SMYD3: variants seen among roughly 807,000 people sequenced by gnomAD.
The protein encoded by SMYD3 is SET and MYND domain containing 3.
A neutral mutation model predicts 57.7 loss-of-function variants in SMYD3; 36 were observed. The ratio of observed to expected loss-of-function variants is 0.62; its 90% CI spans 0.48 to 0.82. The LOEUF (loss-of-function observed/expected upper bound fraction) is 0.82. SMYD3 is among the 40% of genes least tolerant of loss of function. The pLI is 0.00. For missense variants in SMYD3, 515 were observed against 538.8 expected (o/e 0.96, Z 0.44); for synonymous variants, 211 against 195.0 (o/e 1.08, Z -0.68).
At chr1:246,040,992 A>G (rs763874866) in intron 5 of SMYD3, among the ~76,000 whole-genome samples, 6 of 152,252 alleles carry the variant, frequency 3.9e-5, no homozygotes, top group Non-Finnish European at 8.8e-5. Flanking sequence ...AGTCAAGGAC[A>G]GAACACACAT....
At chr1:246,092,505 T>C (rs190439149) in intron 5 of SMYD3, among the ~76,000 whole-genome samples, 7 of 152,252 alleles carry the variant, frequency 4.6e-5, no homozygotes, top group South Asian at 2.1e-4. Flanking sequence ...AGAACATACA[T>C]TGGGGTAAGG....
intron 10 of SMYD3, among the ~76,000 whole-genome samples, chr1:245,786,932 G>A (rs1025103954): frequency 6.6e-6 from 1 of 152,114 alleles, no homozygotes; most frequent in Non-Finnish European, 1.5e-5. Flanking sequence ...AAATTACATT[G>A]TCTTCAAAAA....
intron 1 of SMYD3, among the ~76,000 whole-genome samples, chr1:246,435,442 A>AC (rs2067356428): frequency 6.6e-6 from 1 of 152,038 alleles, no homozygotes; most frequent in Non-Finnish European, 1.5e-5. Context: ...CTATGAAGAG[A>AC]CCATGGAATA....
At chr1:245,850,684 G>C (rs768368275) in intron 10 of SMYD3, among the ~76,000 whole-genome samples, 3 of 152,160 alleles carry the variant, frequency 2.0e-5, no homozygotes, top group Non-Finnish European at 4.4e-5. Flanking sequence ...CTGGACAACA[G>C]AGCAAGACCC....
At chr1:246,362,467 GGTC>G (rs2066007139) in intron 1 of SMYD3, among the ~76,000 whole-genome samples, 2 of 131,146 alleles carry the variant, frequency 1.5e-5, no homozygotes, top group African/African-American at 3.6e-5. Flanking sequence ...CCCTCTCCAC[GGTC>G]TCCCTCTCCC....
intron 5 of SMYD3, among the ~76,000 whole-genome samples, chr1:246,121,748 T>G (rs947817426): frequency 2.6e-5 from 4 of 152,182 alleles, no homozygotes; most frequent in African/African-American, 4.8e-5. Context: ...GAACATATGC[T>G]GGAAACTGGT....
At chr1:246,133,412 A>C (rs144184431) in intron 5 of SMYD3, among the ~76,000 whole-genome samples, 12 of 152,242 alleles carry the variant, frequency 7.9e-5, no homozygotes, top group African/African-American at 2.9e-4. Flanking sequence ...CACTTTACTC[A>C]ATGAAAAACC....
At chr1:246,101,004 T>G (rs964196086) in intron 5 of SMYD3, among the ~76,000 whole-genome samples, 2 of 148,932 alleles carry the variant, frequency 1.3e-5, no homozygotes, top group African/African-American at 2.5e-5. Context: ...TTCCAGAAAC[T>G]AGATAAATCG....
intron 5 of SMYD3, among the ~76,000 whole-genome samples, chr1:246,105,251 G>T (rs1007085904): frequency 1.2e-4 from 18 of 152,102 alleles, no homozygotes; most frequent in African/African-American, 4.3e-4. Flanking sequence ...ATGGGCCCTG[G>T]TGGGGACAGA....
At chr1:246,211,914 A>T (rs919015097) in intron 5 of SMYD3, among the ~76,000 whole-genome samples, 1 of 70,350 alleles carries the variant, frequency 1.4e-5, no homozygotes, top group Non-Finnish European at 3.0e-5. Flanking sequence ...AGATTGTGGT[A>T]AAAAAAAAAA....
chr1:246,347,077 A>G (rs2065733519), intron 2 of SMYD3, among the ~76,000 whole-genome samples: 1 of 152,158 alleles, frequency 6.6e-6, no homozygotes, highest in Non-Finnish European at 1.5e-5. Context: ...GCTGGAGAGA[A>G]GAATCTCTGA....
intron 5 of SMYD3, among the ~76,000 whole-genome samples, chr1:246,132,904 G>A (rs1368262214): frequency 1.3e-5 from 2 of 152,048 alleles, no homozygotes; most frequent in Non-Finnish European, 2.9e-5. Flanking sequence ...TTAGTCATTA[G>A]GGAAATGCAT....
At position 245,856,224 on chromosome 1, in the gene SMYD3, T is replaced by C. The variant is rs112133179; in HGVS notation, c.1076+2272A>G. 3.0e-3 allele frequency among the ~76,000 whole-genome samples: 450 copies of C among 152,362 alleles called. 4 individuals are homozygous for C. The highest frequency in any genetic ancestry group is 9.7e-3 in the African/African-American group (404 of 41,594). ...AGGCAAAGTATGACAACATCTAACC[T>C]GCCCATTTCTCTCAACTTTGTTGGT... On this transcript the variant is annotated intron_variant, in intron 10 of 11. Coordinates refer to ENST00000490107, the MANE Select transcript of SMYD3 (RefSeq NM_001167740.2).
At chr1:246,472,519 G>C (rs1175900373) in intron 1 of SMYD3, among the ~76,000 whole-genome samples, 1 of 152,158 alleles carries the variant, frequency 6.6e-6, no homozygotes, top group Non-Finnish European at 1.5e-5. Flanking sequence ...AAGACGGGCA[G>C]ATCAGTTGGG....
At chr1:246,449,805 C>T (rs567189881) in intron 1 of SMYD3, among the ~76,000 whole-genome samples, 83 of 152,146 alleles carry the variant, frequency 5.5e-4, no homozygotes, top group Non-Finnish European at 9.3e-4. Context: ...AGCTTTGAAA[C>T]CTTTAATCCT....
chr1:245,787,627 T>TA (rs35007742), intron 10 of SMYD3, among the ~76,000 whole-genome samples: 20,072 of 146,242 alleles, frequency 0.14, 1,412 homozygotes, highest in Admixed American at 0.18. Flanking sequence ...ATCAGGGTGT[T>TA]AAAAAAAAAA....
chr1:245,790,394 C>T (rs541258054), intron 10 of SMYD3, among the ~76,000 whole-genome samples: 39 of 152,312 alleles, frequency 2.6e-4, no homozygotes, highest in African/African-American at 7.9e-4. Flanking sequence ...TGGGGCAACA[C>T]GGGCAGAGCC....
chr1:246,273,161 T>TTTTTTTTTTGG (rs2064258201), intron 5 of SMYD3, among the ~76,000 whole-genome samples: 3 of 131,128 alleles, frequency 2.3e-5, no homozygotes, highest in African/African-American at 5.7e-5. Flanking sequence ...TTCTTTTTTT[T>TTTTTTTTTTGG]GGGGGGGGGA....
intron 10 of SMYD3, among the ~76,000 whole-genome samples, chr1:245,770,251 T>C (rs1433921035): frequency 3.9e-5 from 6 of 152,106 alleles, no homozygotes; most frequent in African/African-American, 1.4e-4. Flanking sequence ...ATTGGTACTT[T>C]TCCCTTTGAT....
Sources: allele counts gnomAD v4.1 joint callset (sites outside exome capture counted in the v4.1 genomes callset), GRCh38; gene constraint gnomAD v4.1.1; transcripts MANE v1.5; gene names NCBI Gene and HGNC (gene_info 2026-07-23, HGNC 2026-07-21).